COL22A1: variants seen among roughly 807,000 people sequenced by gnomAD.
COL22A1 encodes collagen type XXII alpha 1 chain.
A neutral mutation model predicts 248.9 loss-of-function variants in COL22A1; 221 were observed. The ratio of observed to expected loss-of-function variants is 0.89; its 90% CI spans 0.80 to 0.99. COL22A1 has a LOEUF of 0.99. COL22A1 is among the 50% of genes least tolerant of loss of function. COL22A1 has a pLI of 0.00. For synonymous variants in COL22A1, 891 were observed against 793.4 expected, an observed-to-expected ratio of 1.12 and a Z score of -2.07; for missense variants, 2,240 against 2,179.0, an observed-to-expected ratio of 1.03 and a Z score of -0.56.
intron 45 of COL22A1, among the ~76,000 whole-genome samples, chr8:138,652,241 G>A (rs3924863): frequency 0.76 from 116,412 of 152,240 alleles, 47,855 homozygotes; most frequent in East Asian, 0.92. Flanking sequence ...TTGCCCATAC[G>A]CCACTTGAAC....
intron 16 of COL22A1, among the ~76,000 whole-genome samples, chr8:138,775,197 T>A (rs1163039073): frequency 1.3e-5 from 2 of 152,062 alleles, no homozygotes; most frequent in Non-Finnish European, 2.9e-5. Flanking sequence ...TTGCTCCAGA[T>A]CGTAAGGAAC....
rs1823880390 is a variant in COL22A1 at position 138,878,038 on chromosome 8, T to C, written c.370A>G (p.Ile124Val). 1.3e-6 allele frequency: 2 copies of C among 1,592,418 alleles called. No homozygotes were observed. The highest frequency in any genetic ancestry group is 1.1e-5 in the South Asian group (1 of 87,878). Reference protein sequence around the residue: ...NTNTGDALRYITARSFSPHAG... With the variant: ...NTNTGDALRYVTARSFSPHAG... ...TGTGGGGAGAAGCTGCGGGCCGTGA[T>C]GTAGCGGAGCGCGTCTCCCGTGTTG... Residue 124 changes from isoleucine to valine, a missense_variant, in exon 3 of 65, where the codon ATC (isoleucine) becomes GTC (valine). Physicochemically the swap from Ile to Val is conservative, Grantham distance 29 (BLOSUM62 3). Coordinates refer to ENST00000303045, the MANE Select transcript of COL22A1 (RefSeq NM_152888.3).
intron 4 of COL22A1, among the ~76,000 whole-genome samples, chr8:138,834,828 G>C (rs1820306032): frequency 6.6e-6 from 1 of 152,190 alleles, no homozygotes; most frequent in South Asian, 2.1e-4. Context: ...TATTTATTCA[G>C]TAGATGTTTT....
At chr8:138,598,313 T>C (rs536484933) in intron 61 of COL22A1, among the ~76,000 whole-genome samples, 129 of 152,222 alleles carry the variant, frequency 8.5e-4, no homozygotes, top group African/African-American at 2.8e-3. Context: ...AAATGGATGG[T>C]AAACCATCCC....
At position 138,679,679 on chromosome 8, in the gene COL22A1, G is replaced by A. The variant is rs753225910; in HGVS notation, c.3013-3C>T. On this transcript the variant is annotated splice_region_variant and splice_polypyrimidine_tract_variant and intron_variant, in intron 39 of 64. Coordinates refer to ENST00000303045, the MANE Select transcript of COL22A1 (RefSeq NM_152888.3). ...CCTCTGACTTTTCCGCAAGCAGCCT[G>A]AAAGTAGAAAATCTTCACTCATTTC... is the stretch of plus-strand genomic sequence containing the variant. 34 of 1,613,428 alleles carry A rather than the reference G, an allele frequency of 2.1e-5. No individual in the cohort carries two copies. The Admixed American group carries it at 4.5e-4, about 21-fold the overall frequency.
intron 3 of COL22A1, among the ~76,000 whole-genome samples, chr8:138,861,307 C>A (rs1386783838): frequency 6.6e-6 from 1 of 152,240 alleles, no homozygotes; most frequent in African/African-American, 2.4e-5. Flanking sequence ...TTCCCCATAG[C>A]TACACAGAGG....
At chr8:138,759,525 G>A (rs762306183) in intron 18 of COL22A1, among the ~76,000 whole-genome samples, 2 of 152,138 alleles carry the variant, frequency 1.3e-5, no homozygotes, top group Admixed American at 6.5e-5. Context: ...GCTATGTCTC[G>A]TCACCCCTCC....
At chr8:138,655,976 T>A in intron 44 of COL22A1, 32 bp from the exon 45 acceptor site, 1 of 1,530,860 alleles carries the variant, frequency 6.5e-7, no homozygotes, top group Non-Finnish European at 9.0e-7. Context: ...AACACATACG[T>A]ACATGCATAT....
intron 1 of COL22A1, among the ~76,000 whole-genome samples, chr8:138,908,037 T>C (rs1031447334): frequency 6.6e-6 from 1 of 151,780 alleles, no homozygotes; most frequent in African/African-American, 2.4e-5. Context: ...CTGCTCTCCC[T>C]CCCTCCCCAC....
chr8:138,621,856 T>G (rs373486366), intron 52 of COL22A1, among the ~76,000 whole-genome samples: 7 of 152,280 alleles, frequency 4.6e-5, no homozygotes, highest in African/African-American at 1.7e-4. Flanking sequence ...CCTTGCCACA[T>G]TTTTGCCCAG....
intron 3 of COL22A1, among the ~76,000 whole-genome samples, chr8:138,874,967 C>T (rs991043631): frequency 3.3e-5 from 5 of 152,262 alleles, no homozygotes; most frequent in South Asian, 2.1e-4. Context: ...CTAGTTCCTG[C>T]GTACCTCAGT....
intron 3 of COL22A1, among the ~76,000 whole-genome samples, chr8:138,853,651 G>A (rs1586893181): frequency 6.6e-6 from 1 of 152,258 alleles, no homozygotes; most frequent in Admixed American, 6.5e-5. Context: ...GAGCTCAACA[G>A]TGTTGAAAAA....
chr8:138,649,706 C>T lies in COL22A1; in HGVS notation c.3406G>A (p.Val1136Ile), dbSNP rs768303849. ...CCTTCTCTCCCTGGCTTTCCTGGGA[C>T]ACCTTTGTCCCCTTTAAAACCTGGT... ...GLPGFKGDKG[V>I]PGKPGREGTE... Residue 1136 changes from valine (V) to isoleucine (I), a missense_variant, in exon 46 of 65, where the codon GTC becomes ATC. Physicochemically the swap from Val to Ile is conservative, Grantham distance 29. Coordinates refer to ENST00000303045, the MANE Select transcript of COL22A1 (RefSeq NM_152888.3). The T allele has an allele frequency of 6.2e-6, 10 of 1,613,448 alleles. No individual in the cohort carries two copies. In the South Asian group the frequency reaches 6.6e-5, roughly 11 times the overall value.
At chr8:138,727,884 C>G (rs1830439998) in intron 23 of COL22A1, among the ~76,000 whole-genome samples, 1 of 152,114 alleles carries the variant, frequency 6.6e-6, no homozygotes. Context: ...AAGAAGCCTC[C>G]CGGCCTTGCT....
chr8:138,712,398 G>A (rs1829046213), intron 30 of COL22A1, among the ~76,000 whole-genome samples: 1 of 152,180 alleles, frequency 6.6e-6, no homozygotes, highest in African/African-American at 2.4e-5. Context: ...AGAAAAGCAA[G>A]TGCCTGGTAC....
intron 32 of COL22A1, among the ~76,000 whole-genome samples, chr8:138,699,552 G>T (rs1053318475): frequency 1.3e-5 from 2 of 152,212 alleles, no homozygotes; most frequent in African/African-American, 4.8e-5. Flanking sequence ...AGAGGAAAAA[G>T]GTTTCTAGAC....
intron 41 of COL22A1, among the ~76,000 whole-genome samples, chr8:138,665,944 T>A (rs1395097629): frequency 6.6e-6 from 1 of 151,862 alleles, no homozygotes; most frequent in Non-Finnish European, 1.5e-5. Context: ...TTGAAACTAA[T>A]ATAAAATAGG....
At chr8:138,616,892 C>T (rs1819371794) in intron 54 of COL22A1, 22 bp downstream of exon 54, 6 of 1,613,858 alleles carry the variant, frequency 3.7e-6, no homozygotes, top group South Asian at 1.1e-5. Context: ...GGGGGGACCT[C>T]CAAAGTGAGG....
intron 62 of COL22A1, among the ~76,000 whole-genome samples, chr8:138,595,557 A>T (rs1367901480): frequency 6.6e-6 from 1 of 152,036 alleles, no homozygotes; most frequent in Non-Finnish European, 1.5e-5. Context: ...CCCTCCTCTC[A>T]TCGCCTCCTT....
Sources: allele counts gnomAD v4.1 joint callset (sites outside exome capture counted in the v4.1 genomes callset), GRCh38; gene constraint gnomAD v4.1.1; transcripts MANE v1.5; gene names NCBI Gene and HGNC (gene_info 2026-07-23, HGNC 2026-07-21).